Variants in ZNF475 observed in about 807,000 individuals in gnomAD.
The protein encoded by ZNF475 is zinc finger protein 475.
chr5:122,160,422 C>G, the ZNF475 span, among the ~76,000 whole-genome samples: 1 of 152,126 alleles, frequency 6.6e-6, no homozygotes, highest in Non-Finnish European at 1.5e-5. Context: ...ATGTAGCTTT[C>G]TAATCTAAAA....
the ZNF475 span, chr5:122,179,735 G>C: frequency 1.3e-6 from 2 of 1,490,466 alleles, no homozygotes; most frequent in Non-Finnish European, 1.8e-6. Context: ...TTACTGGTAA[G>C]TTCCTAGAAA....
At chr5:122,170,372 TA>T in the ZNF475 span, among the ~76,000 whole-genome samples, 2 of 152,198 alleles carry the variant, frequency 1.3e-5, no homozygotes, top group Non-Finnish European at 2.9e-5. Flanking sequence ...TCAACTTGGC[TA>T]AAAACTGGAT....
chr5:122,162,715 C>T, the ZNF475 span, among the ~76,000 whole-genome samples: 1 of 152,166 alleles, frequency 6.6e-6, no homozygotes, highest in South Asian at 2.1e-4. Context: ...ACCCCCACCC[C>T]TTGGTATTGT....
At chr5:122,161,273 A>G in the ZNF475 span, among the ~76,000 whole-genome samples, 2 of 152,230 alleles carry the variant, frequency 1.3e-5, no homozygotes, top group African/African-American at 4.8e-5. Context: ...TTCTCAGCCC[A>G]AGCACCTGCT....
chr5:122,176,495 C>T, the ZNF475 span, among the ~76,000 whole-genome samples: 1 of 152,132 alleles, frequency 6.6e-6, no homozygotes, highest in South Asian at 2.1e-4. Context: ...CTGTGCAAGT[C>T]TTTTGTACAG....
chr5:122,162,623 G>A, the ZNF475 span, among the ~76,000 whole-genome samples: 2 of 152,048 alleles, frequency 1.3e-5, no homozygotes, highest in African/African-American at 4.8e-5. Flanking sequence ...TTCTGATTTG[G>A]AGAAATGAGT....
chr5:122,163,931 T>C, the ZNF475 span, among the ~76,000 whole-genome samples: 2 of 152,024 alleles, frequency 1.3e-5, no homozygotes, highest in Non-Finnish European at 2.9e-5. Context: ...GAATCTTCAA[T>C]GTGACAATCT....
At chr5:122,173,015 AG>A in the ZNF475 span, among the ~76,000 whole-genome samples, 2 of 152,150 alleles carry the variant, frequency 1.3e-5, no homozygotes, top group Admixed American at 1.3e-4. Flanking sequence ...CCTCGGCAAC[AG>A]AGCGAGACTC....
the ZNF475 span, among the ~76,000 whole-genome samples, chr5:122,171,147 A>G: frequency 3.6e-4 from 55 of 152,112 alleles, no homozygotes; most frequent in African/African-American, 1.3e-3. Flanking sequence ...TAATCTTTGA[A>G]TATCTTTTAT....
chr5:122,180,240 G>A, the ZNF475 span, among the ~76,000 whole-genome samples: 9 of 152,128 alleles, frequency 5.9e-5, no homozygotes, highest in African/African-American at 2.2e-4. Flanking sequence ...CCAAAGGGGA[G>A]GTAAGGACTA....
the ZNF475 span, among the ~76,000 whole-genome samples, chr5:122,178,579 G>T: frequency 6.6e-6 from 1 of 152,128 alleles, no homozygotes; most frequent in East Asian, 1.9e-4. Context: ...TTTTGATGGG[G>T]TTGCTTGTTT....
At chr5:122,172,843 C>A in the ZNF475 span, among the ~76,000 whole-genome samples, 1 of 152,086 alleles carries the variant, frequency 6.6e-6, no homozygotes, top group Non-Finnish European at 1.5e-5. Flanking sequence ...ACCACCCTGG[C>A]TATCACGGTG....
At chr5:122,164,498 C>G in the ZNF475 span, among the ~76,000 whole-genome samples, 12 of 152,120 alleles carry the variant, frequency 7.9e-5, no homozygotes, top group Non-Finnish European at 1.6e-4. Flanking sequence ...CAGGAGAAGA[C>G]AGCTGCGGAT....
chr5:122,170,219 C>A, the ZNF475 span, among the ~76,000 whole-genome samples: 1 of 152,116 alleles, frequency 6.6e-6, no homozygotes, highest in Admixed American at 6.5e-5. Flanking sequence ...CAGCAACAAC[C>A]AGTTCTCTAG....
the ZNF475 span, among the ~76,000 whole-genome samples, chr5:122,180,579 G>A: frequency 3.0e-3 from 458 of 152,250 alleles, no homozygotes; most frequent in Middle Eastern, 0.014. Context: ...TTTTACCATT[G>A]TCATTTTCTC....
At chr5:122,180,215 T>C in the ZNF475 span, among the ~76,000 whole-genome samples, 1 of 152,188 alleles carries the variant, frequency 6.6e-6, no homozygotes, top group Non-Finnish European at 1.5e-5. Flanking sequence ...TTGAGTAAAC[T>C]GGTCCATGTG....
At chr5:122,179,702 TA>T in the ZNF475 span, 33 of 1,524,202 alleles carry the variant, frequency 2.2e-5, no homozygotes, top group South Asian at 3.2e-4. Flanking sequence ...GACCAGTACC[TA>T]AAAAACCAGA....
the ZNF475 span, among the ~76,000 whole-genome samples, chr5:122,161,238 C>T: frequency 1.6e-4 from 24 of 152,200 alleles, no homozygotes; most frequent in African/African-American, 5.8e-4. Flanking sequence ...GCTAGTAAAT[C>T]CAGGAACTCA....
the ZNF475 span, among the ~76,000 whole-genome samples, chr5:122,180,613 CA>C: frequency 6.6e-6 from 1 of 152,218 alleles, no homozygotes; most frequent in African/African-American, 2.4e-5. Flanking sequence ...AACCATCTCA[CA>C]GGACAATGTT....
Sources: gnomAD v4.1 joint callset for allele counts (sites outside exome capture counted in the v4.1 genomes callset) on GRCh38, gnomAD v4.1.1 for gene constraint, MANE v1.5 for transcripts, NCBI Gene and HGNC (gene_info 2026-07-23, HGNC 2026-07-21) for gene names.